Variants in TACR3 observed in about 807,000 individuals in gnomAD.
TACR3 encodes the protein neuromedin-K receptor.
A neutral mutation model predicts 35.0 loss-of-function variants in TACR3; 34 were observed. The ratio of observed to expected loss-of-function variants is 0.97; its 90% CI spans 0.74 to 1.30. The LOEUF (loss-of-function observed/expected upper bound fraction) is 1.30. Among genes scored for constraint, TACR3 ranks in the 50% most tolerant of loss-of-function variants. TACR3 has a pLI of 0.00. For missense variants in TACR3, 558 were observed against 591.7 expected (o/e 0.94, Z 0.59); for synonymous variants, 233 against 221.1 (o/e 1.05, Z -0.48).
intron 1 of TACR3, among the ~76,000 whole-genome samples, chr4:103,711,085 C>A (rs1035230846): frequency 6.6e-6 from 1 of 152,124 alleles, no homozygotes; most frequent in African/African-American, 2.4e-5. Context: ...TGGTACCATT[C>A]CTTATGAAAC....
chr4:103,626,024 T>C (rs372039862), intron 3 of TACR3, among the ~76,000 whole-genome samples: 9 of 152,164 alleles, frequency 5.9e-5, no homozygotes, highest in African/African-American at 2.2e-4. Context: ...CAGCCTACAT[T>C]TTGATCTTGG....
Position 103,658,211 on chromosome 4 carries a change from T to A in TACR3, c.737+4A>T, listed in dbSNP as rs1326630623. 1 of 1,613,604 alleles carries A rather than the reference T, an allele frequency of 6.2e-7. No homozygotes were observed. Among genetic ancestry groups the A allele is most frequent in the East Asian group, 2.2e-5 (1 of 44,822 alleles). Reference sequence around the variant, plus strand: ...TTGAAAACCATAATAGAGAATTAACTTACGTGAAATGTTGTTTGGGACCTT... The same window carrying A: ...TTGAAAACCATAATAGAGAATTAACATACGTGAAATGTTGTTTGGGACCTT... On this transcript the variant is annotated splice_donor_region_variant and intron_variant, in intron 2 of 4. Coordinates refer to ENST00000304883, the MANE Select transcript of TACR3 (RefSeq NM_001059.3).
chr4:103,622,404 T>C (rs1724802067), intron 3 of TACR3, among the ~76,000 whole-genome samples: 2 of 152,044 alleles, frequency 1.3e-5, no homozygotes, highest in Non-Finnish European at 2.9e-5. Context: ...TACAGAATAT[T>C]GGTAATGAGT....
At chr4:103,612,877 C>T (rs942755725) in intron 3 of TACR3, among the ~76,000 whole-genome samples, 3 of 152,028 alleles carry the variant, frequency 2.0e-5, no homozygotes, top group Admixed American at 2.0e-4. Flanking sequence ...CACATGATAA[C>T]CCTCTTTTAA....
At chr4:103,682,236 A>G (rs1722116044) in intron 1 of TACR3, among the ~76,000 whole-genome samples, 2 of 152,096 alleles carry the variant, frequency 1.3e-5, no homozygotes, top group Admixed American at 1.3e-4. Context: ...GGCTCAAGTG[A>G]TCCTTCCACC....
chr4:103,627,617 A>G lies in TACR3; in HGVS notation c.888+28577T>C, dbSNP rs548400094. On this transcript the variant is annotated intron_variant, in intron 3 of 4. Transcript: ENST00000304883. ...AACTATCCTAAATATATATGCACCC[A>G]ATACAGGAGCACCCAGATTCATAAA... Among the ~76,000 whole-genome samples the G allele has an allele frequency of 5.9e-5, 9 of 152,280 alleles. No individual in the cohort carries two copies. The South Asian group carries it at 1.9e-3, about 32-fold the overall frequency.
chr4:103,713,660 TAGAC>T (rs886120104), intron 1 of TACR3, among the ~76,000 whole-genome samples: 8 of 151,510 alleles, frequency 5.3e-5, no homozygotes, highest in Admixed American at 4.6e-4. Context: ...GAAAATCAAT[TAGAC>T]AGAAAAAAAT....
chr4:103,688,896 T>G (rs1006905775), intron 1 of TACR3, among the ~76,000 whole-genome samples: 17 of 152,148 alleles, frequency 1.1e-4, no homozygotes, highest in Non-Finnish European at 2.2e-4. Context: ...ATCCCATTAC[T>G]GGGTATATAC....
At chr4:103,624,490 C>T (rs1193463467) in intron 3 of TACR3, 1 of 151,776 alleles carries the variant, frequency 6.6e-6, no homozygotes, top group African/African-American at 2.4e-5. Context: ...GAGAGGCATA[C>T]AAATGATTTC....
chr4:103,676,182 GGA>G (rs1215366070), intron 1 of TACR3, among the ~76,000 whole-genome samples: 7 of 152,176 alleles, frequency 4.6e-5, no homozygotes, highest in Admixed American at 2.6e-4. Context: ...CTGGCTCACA[GGA>G]GTCAATATAA....
At chr4:103,709,531 G>A (rs970916063) in intron 1 of TACR3, among the ~76,000 whole-genome samples, 1 of 152,124 alleles carries the variant, frequency 6.6e-6, no homozygotes. Flanking sequence ...AGGAGCAACT[G>A]GTAGCAGCCA....
intron 3 of TACR3, among the ~76,000 whole-genome samples, chr4:103,622,950 C>T (rs1250926422): frequency 6.6e-6 from 1 of 152,090 alleles, no homozygotes; most frequent in Non-Finnish European, 1.5e-5. Flanking sequence ...TAAAGTTCTA[C>T]TCAAAATGAA....
In TACR3 at chr4:103,601,777, C is replaced by A. The variant is rs555233661; in HGVS notation, c.889-10094G>T. On this transcript the variant is annotated intron_variant, in intron 3 of 4. Transcript: ENST00000304883. ...TCAGGTGTTAGTCTGATGGGCTTCC[C>A]TTTGTGGGTAACCTGACCTTTCTCT... 3.9e-5 allele frequency among the ~76,000 whole-genome samples: 6 copies of A among 152,308 alleles called. No individual in the cohort carries two copies. The East Asian group carries it at 1.2e-3, about 29-fold the overall frequency.
chr4:103,609,984 G>A (rs570744323), intron 3 of TACR3, among the ~76,000 whole-genome samples: 51 of 151,956 alleles, frequency 3.4e-4, no homozygotes, highest in Middle Eastern at 3.4e-3. Flanking sequence ...ATTGTATTGC[G>A]TATATAACCA....
chr4:103,694,808 T>C (rs1722486873), intron 1 of TACR3, among the ~76,000 whole-genome samples: 1 of 152,150 alleles, frequency 6.6e-6, no homozygotes. Flanking sequence ...AGGCATGTAT[T>C]ATTAAATATA....
chr4:103,606,024 G>C (rs571965711), intron 3 of TACR3, among the ~76,000 whole-genome samples: 5 of 151,966 alleles, frequency 3.3e-5, no homozygotes, highest in African/African-American at 1.2e-4. Flanking sequence ...AAGGGATCCA[G>C]TTTCAGCTTT....
intron 1 of TACR3, among the ~76,000 whole-genome samples, chr4:103,709,733 A>C (rs1722895309): frequency 6.6e-6 from 1 of 152,190 alleles, no homozygotes; most frequent in Non-Finnish European, 1.5e-5. Flanking sequence ...AGAGTCAAGA[A>C]CCATCAGTGT....
At chr4:103,631,484 G>A (rs554459869) in intron 3 of TACR3, among the ~76,000 whole-genome samples, 83 of 152,064 alleles carry the variant, frequency 5.5e-4, no homozygotes, top group African/African-American at 1.7e-3. Flanking sequence ...TATTTAGTGA[G>A]CTATGGAAAC....
intron 3 of TACR3, among the ~76,000 whole-genome samples, chr4:103,618,589 T>G (rs1461556964): frequency 3.2e-5 from 4 of 126,262 alleles, no homozygotes; most frequent in South Asian, 2.5e-4. Flanking sequence ...TTTTTTTTTT[T>G]TTGTTCCATA....
Sources: gnomAD v4.1 joint callset for allele counts (sites outside exome capture counted in the v4.1 genomes callset) on GRCh38, gnomAD v4.1.1 for gene constraint, MANE v1.5 for transcripts, NCBI Gene and HGNC (gene_info 2026-07-23, HGNC 2026-07-21) for gene names.